Variants in FOXJ3 observed in about 807,000 individuals in gnomAD.
The protein encoded by FOXJ3 is forkhead box J3, also known as forkhead box protein J3.
A neutral mutation model predicts 76.1 loss-of-function variants in FOXJ3; 22 were observed. The observed-to-expected ratio is 0.29, with a 90% confidence interval of 0.21 to 0.41. FOXJ3 has a LOEUF of 0.41. Among genes scored for constraint, FOXJ3 ranks in the 10% least tolerant of loss-of-function variants. FOXJ3 has a pLI of 1.00. For synonymous variants in FOXJ3, 269 were observed against 261.2 expected, an observed-to-expected ratio of 1.03 and a Z score of -0.29; for missense variants, 613 against 762.1, an observed-to-expected ratio of 0.80 and a Z score of 2.30.
chr1:42,231,553 AATG>A (rs972844913), intron 4 of FOXJ3, among the ~76,000 whole-genome samples: 1 of 152,182 alleles, frequency 6.6e-6, no homozygotes, highest in Non-Finnish European at 1.5e-5. Context: ...GATGGATGGT[AATG>A]ATAACTGCAC....
intron 3 of FOXJ3, among the ~76,000 whole-genome samples, chr1:42,271,727 C>T (rs1651880474): frequency 6.6e-6 from 1 of 152,170 alleles, no homozygotes; most frequent in Admixed American, 6.5e-5. Context: ...TAACTCACTG[C>T]AACCTCAACC....
rs1320641503 is a variant in FOXJ3, at chr1:42,178,251, T to C, written c.*1459A>G. On this transcript the variant is annotated 3_prime_UTR_variant, in exon 13 of 13. Transcript: ENST00000361346. ...ACACTGAAGCAAATAAAACTGTAAG[T>C]GGCTCTATCCTCCTTTCAAGACAAC... is the stretch of plus-strand genomic sequence containing the variant. 2.6e-5 allele frequency: 4 copies of C among 152,312 alleles called. No individual in the cohort carries two copies. The highest frequency in any genetic ancestry group is 4.4e-5 in the Non-Finnish European group (3 of 68,032). The allele number at this position is 152,312 out of a possible 1,614,324, so 9.4% of individuals were successfully genotyped here.
At chr1:42,259,760 G>A (rs1179960541) in intron 4 of FOXJ3, among the ~76,000 whole-genome samples, 11 of 152,148 alleles carry the variant, frequency 7.2e-5, no homozygotes, top group Non-Finnish European at 1.5e-4. Flanking sequence ...TGGATCTCAC[G>A]TTAGTACTTA....
chr1:42,304,933 ACAAT>A (rs1654365488), intron 2 of FOXJ3, among the ~76,000 whole-genome samples: 1 of 152,220 alleles, frequency 6.6e-6, no homozygotes, highest in African/African-American at 2.4e-5. Flanking sequence ...AGTAAAGGAA[ACAAT>A]CAACAAAGTT....
chr1:42,197,290 A>C (rs1464959238), intron 7 of FOXJ3, among the ~76,000 whole-genome samples: 1 of 152,112 alleles, frequency 6.6e-6, no homozygotes, highest in African/African-American at 2.4e-5. Flanking sequence ...AGAATTGCTT[A>C]AGCCAGGAGT....
chr1:42,283,100 A>G (rs1307616519), intron 2 of FOXJ3, among the ~76,000 whole-genome samples: 1 of 152,212 alleles, frequency 6.6e-6, no homozygotes, highest in African/African-American at 2.4e-5. Flanking sequence ...ACAGACTGAC[A>G]GGCAGCTTTA....
At chr1:42,314,556 G>A (rs1654999108) in intron 1 of FOXJ3, among the ~76,000 whole-genome samples, 1 of 152,078 alleles carries the variant, frequency 6.6e-6, no homozygotes, top group Non-Finnish European at 1.5e-5. Context: ...CCAGCCCTCA[G>A]TCTCTTTCTT....
chr1:42,322,519 G>A (rs1330837782), intron 1 of FOXJ3, among the ~76,000 whole-genome samples: 3 of 151,924 alleles, frequency 2.0e-5, no homozygotes, highest in East Asian at 1.9e-4. Context: ...ATGGGTAAAG[G>A]GGGATTCTTC....
At chr1:42,229,458 T>C (rs1443762905) in intron 4 of FOXJ3, among the ~76,000 whole-genome samples, 3 of 152,226 alleles carry the variant, frequency 2.0e-5, no homozygotes, top group Non-Finnish European at 4.4e-5. Flanking sequence ...AATATCAGTG[T>C]ACAGGGTACT....
chr1:42,182,469 T>C (rs1646344500), intron 11 of FOXJ3, among the ~76,000 whole-genome samples: 4 of 152,182 alleles, frequency 2.6e-5, no homozygotes. Context: ...AGTTTGACAG[T>C]GCTAGGACTA....
At chr1:42,203,754 G>T (rs1646806793) in intron 6 of FOXJ3, among the ~76,000 whole-genome samples, 1 of 152,042 alleles carries the variant, frequency 6.6e-6, no homozygotes, top group South Asian at 2.1e-4. Flanking sequence ...CCAGCACTTT[G>T]GGAGGCCAAG....
chr1:42,334,085 T>A, intron 1 of FOXJ3: 2 of 892,754 alleles, frequency 2.2e-6, no homozygotes, highest in Non-Finnish European at 2.7e-6. Flanking sequence ...TAGTAAAACC[T>A]TTGCTAACCA....
intron 5 of FOXJ3, among the ~76,000 whole-genome samples, chr1:42,210,789 G>C (rs561516079): frequency 1.8e-4 from 28 of 152,254 alleles, no homozygotes; most frequent in Admixed American, 9.2e-4. Flanking sequence ...TGGGAGACTA[G>C]AGGACAGGTC....
At chr1:42,193,665 T>C (rs901935134) in intron 8 of FOXJ3, among the ~76,000 whole-genome samples, 4 of 152,136 alleles carry the variant, frequency 2.6e-5, no homozygotes, top group South Asian at 2.1e-4. Flanking sequence ...TAAATAACAG[T>C]ATATAACATT....
chr1:42,228,018 T>A, intron 4 of FOXJ3, 52 bp from the exon 5 acceptor site: 1 of 913,552 alleles, frequency 1.1e-6, no homozygotes, highest in Non-Finnish European at 1.6e-6. Flanking sequence ...CCTATGATAT[T>A]AAAATGGATT....
chr1:42,191,203 T>A, intron 9 of FOXJ3, 100 bp downstream of exon 9: 1 of 1,088,458 alleles, frequency 9.2e-7, no homozygotes, highest in Non-Finnish European at 1.3e-6. Context: ...GAAACAGATG[T>A]AAAGAGGTTT....
intron 1 of FOXJ3, among the ~76,000 whole-genome samples, chr1:42,317,311 G>A (rs1281747915): frequency 6.6e-6 from 1 of 152,020 alleles, no homozygotes; most frequent in African/African-American, 2.4e-5. Context: ...CTGTGCCAGA[G>A]GAAAGAGTAA....
At chr1:42,226,027 G>A (rs1647529957) in intron 5 of FOXJ3, among the ~76,000 whole-genome samples, 1 of 152,054 alleles carries the variant, frequency 6.6e-6, no homozygotes. Context: ...AGAGAAGAAC[G>A]CAATTCTTCA....
intron 4 of FOXJ3, among the ~76,000 whole-genome samples, chr1:42,255,201 T>G (rs988472957): frequency 2.6e-5 from 4 of 152,136 alleles, no homozygotes; most frequent in Non-Finnish European, 5.9e-5. Flanking sequence ...TAAACGAAAT[T>G]ATACTGTTGT....
Sources: gnomAD v4.1 joint callset for allele counts (sites outside exome capture counted in the v4.1 genomes callset) on GRCh38, gnomAD v4.1.1 for gene constraint, MANE v1.5 for transcripts, NCBI Gene and HGNC (gene_info 2026-07-23, HGNC 2026-07-21) for gene names.